The following PPP4C variants were observed in gnomAD, a reference collection of about 807,000 sequenced individuals.
PPP4C encodes serine/threonine-protein phosphatase 4 catalytic subunit.
In PPP4C, 10 loss-of-function variants were observed where a neutral mutation model predicts 40.5. That is an observed-to-expected ratio of 0.25 (90% CI 0.15 to 0.42). The LOEUF is 0.42. PPP4C is among the 10% of genes least tolerant of loss of function. PPP4C has a pLI of 1.00. For synonymous variants in PPP4C, 187 were observed against 163.6 expected (o/e 1.14, Z -1.09); for missense variants, 191 against 416.4 (o/e 0.46, Z 4.71).
At chr16:30,079,981 C>T (rs1047794954) in intron 2 of PPP4C, among the ~76,000 whole-genome samples, 6 of 152,160 alleles carry the variant, frequency 3.9e-5, no homozygotes, top group African/African-American at 1.4e-4. Flanking sequence ...ATTTGTGGCA[C>T]ACAGTATGAG....
chr16:30,084,316 G>A (rs1273448607), intron 7 of PPP4C, among the ~76,000 whole-genome samples: 1 of 152,198 alleles, frequency 6.6e-6, no homozygotes, highest in Non-Finnish European at 1.5e-5. Flanking sequence ...CACACATGCA[G>A]CCGCTGCTCC....
rs116047954 is a variant in PPP4C at position 30,084,285 on chromosome 16, A to G, written c.605-381A>G. ...TCTGCTCCATCACAGCCACACACATACAGACACACACATGCAGACACACAC... is the reference window on the plus strand; with the variant it reads ...TCTGCTCCATCACAGCCACACACATGCAGACACACACATGCAGACACACAC... On this transcript the variant is annotated intron_variant, in intron 7 of 8. Coordinates refer to ENST00000279387, the MANE Select transcript of PPP4C (RefSeq NM_002720.3). 5.2e-3 allele frequency among the ~76,000 whole-genome samples: 791 copies of G among 152,152 alleles called. 4 individuals are homozygous for G. The highest frequency in any genetic ancestry group is 0.018 in the African/African-American group (754 of 41,514).
At chr16:30,081,191 C>T (rs765767311) in intron 2 of PPP4C, 68 bp from the exon 3 acceptor site, 2 of 1,608,780 alleles carry the variant, frequency 1.2e-6, no homozygotes, top group South Asian at 1.1e-5. Context: ...TCCCCTCCCC[C>T]CAAAAAAGGT....
intron 2 of PPP4C, among the ~76,000 whole-genome samples, chr16:30,077,101 G>T (rs1231268894): frequency 1.3e-5 from 2 of 152,170 alleles, no homozygotes; most frequent in Non-Finnish European, 2.9e-5. Flanking sequence ...AATTAAGCAC[G>T]ATAGGGAGGC....
chr16:30,081,437 G>A (rs1388355974), intron 3 of PPP4C, 127 bp downstream of exon 3: 22 of 751,366 alleles, frequency 2.9e-5, no homozygotes, highest in East Asian at 7.8e-5. Flanking sequence ...CACCTTCAAC[G>A]GAGCACTGCT....
chr16:30,076,043 G>A lies in PPP4C; in HGVS notation c.-115G>A. 1 of 428,858 alleles carries A rather than the reference G, an allele frequency of 2.3e-6. No homozygotes were observed. The highest frequency in any genetic ancestry group is 4.2e-6 in the Non-Finnish European group (1 of 239,116). 26.6% of individuals were successfully genotyped at this position (428,858 alleles called of 1,614,324 possible). On this transcript the variant is annotated 5_prime_UTR_variant, in exon 1 of 9. In the 5' UTR this introduces an upstream ATG that the reference lacks. Coordinates refer to ENST00000279387, the MANE Select transcript of PPP4C (RefSeq NM_002720.3). Reference sequence around the variant, plus strand: ...GGCGGCGGCGGCGGTCGAAAGCGGAGTGAAAGAGGGAGGCAGGGAGCCGGA... The same window carrying A: ...GGCGGCGGCGGCGGTCGAAAGCGGAATGAAAGAGGGAGGCAGGGAGCCGGA...
At chr16:30,078,193 T>C (rs1248804384) in intron 2 of PPP4C, among the ~76,000 whole-genome samples, 3 of 152,068 alleles carry the variant, frequency 2.0e-5, no homozygotes, top group Non-Finnish European at 4.4e-5. Flanking sequence ...TAGCAGGAAG[T>C]CGTATATTCA....
intron 1 of PPP4C, 29 bp downstream of exon 1, chr16:30,076,123 C>T (rs2072385728): frequency 7.2e-6 from 4 of 552,874 alleles, no homozygotes; most frequent in South Asian, 6.5e-5. Context: ...TCTAAGTCAC[C>T]GTCCTTAGCG....
intron 2 of PPP4C, among the ~76,000 whole-genome samples, chr16:30,077,774 A>G (rs2072429782): frequency 6.6e-6 from 1 of 152,200 alleles, no homozygotes; most frequent in East Asian, 1.9e-4. Context: ...GCTGCATTTT[A>G]TCGAATAGGA....
intron 7 of PPP4C, 77 bp from the exon 8 acceptor site, chr16:30,084,589 G>C: frequency 1.4e-6 from 2 of 1,389,832 alleles, no homozygotes; most frequent in Non-Finnish European, 2.0e-6. Flanking sequence ...GGGCCAGGCT[G>C]CTCACCCTCA....
chr16:30,084,676 C>T lies in PPP4C; in HGVS notation c.615C>T (p.Gly205=). 2 of 1,614,174 alleles carry T rather than the reference C, an allele frequency of 1.2e-6. No homozygotes were observed. The highest frequency in any genetic ancestry group is 1.3e-5 in the African/African-American group (1 of 75,072). ...CCCTTTCCGCATCAGACACCACAGG[C>T]TGGGGCGTGAGCCCCCGAGGAGCCG... The part of the protein sequence containing the change: ...LLWSDPEDTT[G]WGVSPRGAGY... Residue 205 remains glycine (G), a synonymous_variant, in exon 8 of 9, where the codon GGC becomes GGT. Transcript: ENST00000279387.
In PPP4C at chr16:30,076,189, C is replaced by CG. The variant is rs35061537; in HGVS notation, c.-64+101dup. On this transcript the variant is annotated intron_variant, in intron 1 of 8. Coordinates refer to ENST00000279387, the MANE Select transcript of PPP4C (RefSeq NM_002720.3). ...GGGGTGCGGCCAGGCCGTTGGACGCCGGGGGGTCCTGGGGCCGATGTGAGG... is the reference window on the plus strand; with the variant it reads ...GGGGTGCGGCCAGGCCGTTGGACGCCGGGGGGGTCCTGGGGCCGATGTGAGG... 4.1e-5 allele frequency: 18 copies of CG among 434,644 alleles called. No individual in the cohort carries two copies. The East Asian group carries it at 4.9e-4, about 12-fold the overall frequency. 26.9% of individuals were successfully genotyped at this position (434,644 alleles called of 1,614,324 possible). A position where few individuals can be genotyped will look rare whatever the true frequency, so the allele number is the denominator to read the frequency against.
In PPP4C at chr16:30,083,050, C is replaced by T; in HGVS notation, c.303+203C>T. 1.7e-6 allele frequency: 1 copy of T among 598,880 alleles called. No individual in the cohort carries two copies. The highest frequency in any genetic ancestry group is 2.9e-6 in the Non-Finnish European group (1 of 339,694). The allele number at this position is 598,880 out of a possible 1,614,324, so 37.1% of individuals were successfully genotyped here. On this transcript the variant is annotated intron_variant, in intron 5 of 8. Transcript: ENST00000279387. The surrounding 1 kb of genome is among the most constrained non-coding windows in gnomAD (Gnocchi z 6.3). ...GGCAGCATTCTGGGAGGGGCAGAGGCTCACTGTTGCGAATGTGGCAGGTCA... is the reference window on the plus strand; with the variant it reads ...GGCAGCATTCTGGGAGGGGCAGAGGTTCACTGTTGCGAATGTGGCAGGTCA...
intron 5 of PPP4C, 87 bp downstream of exon 5, chr16:30,082,934 G>T: frequency 8.6e-7 from 1 of 1,156,272 alleles, no homozygotes; most frequent in South Asian, 1.4e-5. Flanking sequence ...CTCCTATCGT[G>T]ACCAGCCCCA....
intron 2 of PPP4C, among the ~76,000 whole-genome samples, chr16:30,081,018 C>T (rs1355581680): frequency 6.6e-6 from 1 of 152,180 alleles, no homozygotes; most frequent in East Asian, 1.9e-4. Context: ...TCCCAGCCTG[C>T]TCAGAAGGCC....
In PPP4C at chr16:30,083,934, G is replaced by A; in HGVS notation, c.604+153G>A. 1 of 1,191,488 alleles carries A rather than the reference G, an allele frequency of 8.4e-7. No homozygotes were observed. Among genetic ancestry groups the A allele is most frequent in the Non-Finnish European group, 1.2e-6 (1 of 853,972 alleles). The allele number at this position is 1,191,488 out of a possible 1,614,324, so 73.8% of individuals were successfully genotyped here. On this transcript the variant is annotated intron_variant, in intron 7 of 8. Coordinates refer to ENST00000279387, the MANE Select transcript of PPP4C (RefSeq NM_002720.3). The surrounding 1 kb of genome is among the most constrained non-coding windows in gnomAD (Gnocchi z 6.3). Reference sequence around the variant, plus strand: ...GGGAGGCCTGCATGGCAGGTGCTTTGAGCACACAGTGGCTTGGGGCATGGC... The same window carrying A: ...GGGAGGCCTGCATGGCAGGTGCTTTAAGCACACAGTGGCTTGGGGCATGGC...
Position 30,076,374 on chromosome 16 carries a change from G to C in PPP4C, c.-4G>C. 6.2e-7 allele frequency: 1 copy of C among 1,612,546 alleles called. No homozygotes were observed. ...CCGACTCTGACCCGCGCCGGGGGTG[G>C]GCCATGGCGGAGATCAGCGACCTGG... On this transcript the variant is annotated 5_prime_UTR_variant, in exon 2 of 9. Coordinates refer to ENST00000279387, the MANE Select transcript of PPP4C (RefSeq NM_002720.3).
In PPP4C at chr16:30,080,265, AC is replaced by A. The variant is rs2072478479; in HGVS notation, c.99-991del. On this transcript the variant is annotated intron_variant, in intron 2 of 8. Coordinates refer to ENST00000279387, the MANE Select transcript of PPP4C (RefSeq NM_002720.3). Reference sequence around the variant, plus strand: ...GAGGTTGAGGCAGGAGAATCACTTGACCCAGGAAGCAGAGGTTTGCAGTGAG... The same window carrying A: ...GAGGTTGAGGCAGGAGAATCACTTGACCAGGAAGCAGAGGTTTGCAGTGAG... 2.0e-5 allele frequency among the ~76,000 whole-genome samples: 3 copies of A among 148,134 alleles called. No homozygotes were observed. The South Asian group carries it at 6.5e-4, about 32-fold the overall frequency.
chr16:30,080,419 A>C (rs959983537), intron 2 of PPP4C, among the ~76,000 whole-genome samples: 1 of 151,822 alleles, frequency 6.6e-6, no homozygotes, highest in Admixed American at 6.6e-5. Context: ...ACTCAAGTAG[A>C]AGTAGACTGC....
Sources: gnomAD v4.1 joint callset for allele counts (sites outside exome capture counted in the v4.1 genomes callset) on GRCh38, gnomAD v4.1.1 for gene constraint, Gnocchi (gnomAD v3.1) non-coding constraint, MANE v1.5 for transcripts, NCBI Gene and HGNC (gene_info 2026-07-23, HGNC 2026-07-21) for gene names.